Variants in WNK4 observed in about 807,000 individuals in gnomAD.
The protein encoded by WNK4 is serine/threonine-protein kinase WNK4.
A neutral mutation model predicts 116.2 loss-of-function variants in WNK4; 94 were observed. The observed-to-expected ratio is 0.81, with a 90% CI of 0.68 to 0.96. The LOEUF (loss-of-function observed/expected upper bound fraction) is 0.96. Among genes scored for constraint, WNK4 ranks in the 40% least tolerant of loss-of-function variants. The probability of loss-of-function intolerance (pLI) is 0.00; values close to 1 mark genes in which losing one functional copy is unlikely to be tolerated. For synonymous variants in WNK4, 655 were observed against 672.7 expected (o/e 0.97, Z 0.41); for missense variants, 1,542 against 1,650.6 (o/e 0.93, Z 1.14).
chr17:42,783,855 CA>C (rs1394352479), intron 2 of WNK4, 81 bp from the exon 3 acceptor site: 9 of 1,341,890 alleles, frequency 6.7e-6, no homozygotes, highest in African/African-American at 4.3e-5. Flanking sequence ...CAGGGTGCGG[CA>C]GGGGGGAACT....
intron 7 of WNK4, 107 bp from the exon 8 acceptor site, chr17:42,787,671 A>G: frequency 6.3e-7 from 1 of 1,594,130 alleles, no homozygotes; most frequent in South Asian, 1.1e-5. Flanking sequence ...CCCTCCAGGA[A>G]GGAACTCTCC....
rs895599804 is a variant in WNK4, at chr17:42,787,404, C to T, written c.1603C>T (p.Pro535Ser). 7.1e-5 allele frequency: 114 copies of T among 1,614,088 alleles called. No homozygotes were observed. The highest frequency in any genetic ancestry group is 9.7e-5 in the Non-Finnish European group (114 of 1,180,040). ...AGCAAGGGAATTGGAGGCACTCCCA[C>T]CAGAGCCAGGACCTCCACCAGCAAC... ...RKARELEALP[P>S]EPGPPPATVP... Residue 535 changes from proline (P) to serine (S), a missense_variant, in exon 7 of 19, where the codon CCA becomes TCA. Physicochemically the swap from Pro to Ser is moderately conservative, Grantham distance 74. This residue lies in a region of WNK4 where 808 missense variants were observed against 873.6 expected (regional missense o/e 0.92). Coordinates refer to ENST00000246914, the MANE Select transcript of WNK4 (RefSeq NM_032387.5).
chr17:42,796,855 A>T lies in WNK4; in HGVS notation c.*167A>T. 1.5e-6 allele frequency: 2 copies of T among 1,368,756 alleles called. No individual in the cohort carries two copies. The highest frequency in any genetic ancestry group is 2.0e-6 in the Non-Finnish European group (2 of 982,784). 84.8% of individuals were successfully genotyped at this position (1,368,756 alleles called of 1,614,324 possible). The stretch of plus-strand genomic sequence containing the variant: ...AGAGTGCAGCTCCATTATAGTGAAG[A>T]GCCAAACATATGTGAACTGTTTGCT... On this transcript the variant is annotated 3_prime_UTR_variant, in exon 19 of 19. Coordinates refer to ENST00000246914, the MANE Select transcript of WNK4 (RefSeq NM_032387.5).
intron 12 of WNK4, 115 bp from the exon 13 acceptor site, chr17:42,794,499 C>A: frequency 2.7e-6 from 3 of 1,117,732 alleles, no homozygotes; most frequent in Non-Finnish European, 4.0e-6. Context: ...TCCCTTGAAA[C>A]TCATGTACAG....
chr17:42,789,423 GAGGCCGAGGC>G (rs1341863520), intron 11 of WNK4, among the ~76,000 whole-genome samples: 1 of 151,966 alleles, frequency 6.6e-6, no homozygotes, highest in Non-Finnish European at 1.5e-5. Flanking sequence ...TTGGGAGGCC[GAGGCCGAGGC>G]AGGCAGATCA....
intron 11 of WNK4, among the ~76,000 whole-genome samples, 186 bp from the exon 12 acceptor site, chr17:42,793,406 C>G (rs988996284): frequency 1.2e-4 from 19 of 152,080 alleles, no homozygotes; most frequent in African/African-American, 4.6e-4. Context: ...GATAGGGTAT[C>G]ACCATGTTGG....
chr17:42,794,946 CATTCT>C lies in WNK4; in HGVS notation c.2526_2530del (p.Phe843ProfsTer58). On this transcript the variant is annotated frameshift_variant, in exon 14 of 19. Coordinates refer to ENST00000246914, the MANE Select transcript of WNK4 (RefSeq NM_032387.5). LOFTEE classifies it high-confidence loss of function. ...CCCCCATGTCATCCCAGCCCCTCCC[CATTCT>C]CCCCCATTTCTTCCCAGGTCTCCTC... 6.2e-7 allele frequency: 1 copy of C among 1,611,952 alleles called. No homozygotes were observed. Among genetic ancestry groups the C allele is most frequent in the Admixed American group, 1.7e-5 (1 of 59,830 alleles).
chr17:42,794,492 C>G, intron 12 of WNK4, 122 bp from the exon 13 acceptor site: 1 of 1,057,192 alleles, frequency 9.5e-7, no homozygotes, highest in Non-Finnish European at 1.4e-6. Flanking sequence ...TTCTGAATCC[C>G]TTGAAACTCA....
rs2054627443 is a variant in WNK4, at chr17:42,793,577, G to A, written c.2158-15G>A. The A allele has an allele frequency of 2.5e-6, 4 of 1,613,468 alleles. No individual in the cohort carries two copies. The highest frequency in any genetic ancestry group is 2.7e-5 in the African/African-American group (2 of 74,908). Reference sequence around the variant, plus strand: ...ATAACAAGCTCTCCCTCCCCATCCTGTTGACCCTCGCAAGGTATATAACGA... The same window carrying A: ...ATAACAAGCTCTCCCTCCCCATCCTATTGACCCTCGCAAGGTATATAACGA... On this transcript the variant is annotated splice_polypyrimidine_tract_variant and intron_variant, in intron 11 of 18. Transcript: ENST00000246914.
At chr17:42,794,009 C>T (rs569761984) in intron 12 of WNK4, 10 of 391,310 alleles carry the variant, frequency 2.6e-5, no homozygotes, top group African/African-American at 2.1e-4. Context: ...CTCGCCACCA[C>T]ACCCGGCTAA....
intron 10 of WNK4, 120 bp from the exon 11 acceptor site, chr17:42,788,561 G>C: frequency 8.8e-7 from 1 of 1,132,618 alleles, no homozygotes; most frequent in Non-Finnish European, 1.3e-6. Flanking sequence ...AGACTTTAGA[G>C]GTGGGGTCTA....
At chr17:42,783,190 C>A (rs1482136506) in intron 2 of WNK4, among the ~76,000 whole-genome samples, 2 of 152,212 alleles carry the variant, frequency 1.3e-5, no homozygotes, top group East Asian at 3.9e-4. Flanking sequence ...TTTCCTTAAC[C>A]TCTCCCCACC....
At chr17:42,781,784 A>G (rs1271211962) in intron 1 of WNK4, among the ~76,000 whole-genome samples, 2 of 152,248 alleles carry the variant, frequency 1.3e-5, no homozygotes, top group African/African-American at 2.4e-5. Flanking sequence ...GGCAAGGGTC[A>G]TCTCCAACTC....
At position 42,795,995 on chromosome 17, in the gene WNK4, TGAG is replaced by T. The variant is rs1567655490; in HGVS notation, c.3397_3399del (p.Glu1133del). ...AGGAGTCAGAAAGCAGTGGGGAAGATGAGGAGTTCTGGGCTGAGCTGCAGAGTC... is the reference window on the plus strand; with the variant it reads ...AGGAGTCAGAAAGCAGTGGGGAAGATGAGTTCTGGGCTGAGCTGCAGAGTC... On this transcript the variant is annotated inframe_deletion, in exon 16 of 19. Transcript: ENST00000246914. 1.2e-6 allele frequency: 2 copies of T among 1,613,528 alleles called. No individual in the cohort carries two copies. Among genetic ancestry groups the T allele is most frequent in the South Asian group, 1.1e-5 (1 of 91,052 alleles).
At position 42,782,412 on chromosome 17, in the gene WNK4, C is replaced by T. The variant is rs1009684666; in HGVS notation, c.619-346C>T. ...TCCTGCTGCCCGCCTGCTGCCTGCT[C>T]ACTGCCAGCCCCCGGGTGCCCCCTC... On this transcript the variant is annotated intron_variant, in intron 1 of 18. Coordinates refer to ENST00000246914, the MANE Select transcript of WNK4 (RefSeq NM_032387.5). The surrounding 1 kb of genome is among the most constrained non-coding windows in gnomAD (Gnocchi z 4.2). Among the ~76,000 whole-genome samples, 1 of 152,076 alleles carries T rather than the reference C, an allele frequency of 6.6e-6. No individual in the cohort carries two copies. Among genetic ancestry groups the T allele is most frequent in the East Asian group, 1.9e-4 (1 of 5,196 alleles).
At chr17:42,794,107 G>A (rs554328594) in intron 12 of WNK4, 17 of 331,752 alleles carry the variant, frequency 5.1e-5, no homozygotes, top group Admixed American at 3.3e-4. Flanking sequence ...GCCCTCCTCG[G>A]CCTCCCAAAG....
At position 42,795,924 on chromosome 17, in the gene WNK4, C is replaced by A. The variant is rs757758511; in HGVS notation, c.3322C>A (p.Pro1108Thr). Residue 1108 changes from proline (P) to threonine (T), a missense_variant, in exon 16 of 19, where the codon CCA becomes ACA. Physicochemically the swap from Pro to Thr is conservative, Grantham distance 38. Transcript: ENST00000246914. ...CCCCCAACCCCTGAGCCATCCCAGC[C>A]CAGTGTGGATGAACTACTCCTACAG... ...GSPQPLSHPS[P>T]VWMNYSYSSL... The A allele has an allele frequency of 5.6e-6, 9 of 1,612,394 alleles. 1 individual carries two copies. In the South Asian group the frequency reaches 8.8e-5, roughly 16 times the overall value.
chr17:42,787,989 C>G, intron 8 of WNK4, 90 bp downstream of exon 8: 3 of 1,598,644 alleles, frequency 1.9e-6, no homozygotes, highest in Non-Finnish European at 2.6e-6. Context: ...GATCCAGTCC[C>G]ATGTCCCTGG....
In WNK4 at chr17:42,785,167, G is replaced by C. The variant is rs370300499; in HGVS notation, c.1241G>C (p.Arg414Pro). 212 of 1,613,748 alleles carry C rather than the reference G, an allele frequency of 1.3e-4. No homozygotes were observed. Among genetic ancestry groups the C allele is most frequent in the Non-Finnish European group, 1.7e-4 (202 of 1,179,960 alleles). Residue 414 changes from arginine to proline, a missense_variant, in exon 5 of 19, where the codon CGC becomes CCC. This residue lies in a region of WNK4 where 808 missense variants were observed against 873.6 expected (regional missense o/e 0.92). Coordinates refer to ENST00000246914, the MANE Select transcript of WNK4 (RefSeq NM_032387.5). ...EVKEIIEGCI[R>P]TDKNERFTIQ... ...AAGGAGATCATTGAAGGCTGCATCCGCACGGATAAGAACGAGAGGTGGGGG... is the reference window on the plus strand; with the variant it reads ...AAGGAGATCATTGAAGGCTGCATCCCCACGGATAAGAACGAGAGGTGGGGG...
Sources: gnomAD v4.1 joint callset for allele counts (sites outside exome capture counted in the v4.1 genomes callset) on GRCh38, gnomAD v4.1.1 for gene constraint, gnomAD v4.1.1 regional missense constraint, Gnocchi (gnomAD v3.1) non-coding constraint, MANE v1.5 for transcripts, NCBI Gene and HGNC (gene_info 2026-07-23, HGNC 2026-07-21) for gene names.